CEP112: variants seen among roughly 807,000 people sequenced by gnomAD.
CEP112 encodes centrosomal protein of 112 kDa.
A neutral mutation model predicts 153.0 loss-of-function variants in CEP112; 127 were observed. The observed-to-expected ratio is 0.83, with a 90% CI of 0.72 to 0.96. The LOEUF (loss-of-function observed/expected upper bound fraction) is 0.96. CEP112 is among the 40% of genes least tolerant of loss of function. The pLI, the probability that CEP112 is intolerant of heterozygous loss-of-function variation, is 0.00. For missense variants in CEP112, 1,089 were observed against 1,101.2 expected (o/e 0.99, Z 0.16); for synonymous variants, 358 against 374.4 (o/e 0.96, Z 0.51).
intron 1 of CEP112, among the ~76,000 whole-genome samples, chr17:66,190,211 AG>A (rs1398475999): frequency 6.6e-6 from 1 of 151,972 alleles, no homozygotes; most frequent in African/African-American, 2.4e-5. Context: ...CAGGAAGCTG[AG>A]GCAGGAGAAT....
chr17:65,929,380 T>C (rs2061043396), intron 18 of CEP112, among the ~76,000 whole-genome samples: 1 of 152,210 alleles, frequency 6.6e-6, no homozygotes, highest in African/African-American at 2.4e-5. Flanking sequence ...AGGCCTATAA[T>C]GTGTCAGAAG....
chr17:65,963,256 A>G (rs2062280169), intron 17 of CEP112, among the ~76,000 whole-genome samples: 1 of 151,962 alleles, frequency 6.6e-6, no homozygotes, highest in Admixed American at 6.6e-5. Flanking sequence ...TATTAGCTGT[A>G]ACACTGAAGG....
intron 24 of CEP112, among the ~76,000 whole-genome samples, chr17:65,644,079 T>G (rs1285718708): frequency 2.0e-5 from 3 of 152,194 alleles, no homozygotes; most frequent in Non-Finnish European, 4.4e-5. Flanking sequence ...GGTGACTCCC[T>G]TGAGCCACAG....
intron 23 of CEP112, among the ~76,000 whole-genome samples, chr17:65,704,020 C>T (rs575216177): frequency 1.3e-5 from 2 of 152,076 alleles, no homozygotes; most frequent in South Asian, 2.1e-4. Context: ...AGGATCCTTG[C>T]AGACATAATC....
chr17:65,784,859 G>A (rs1014276245), intron 21 of CEP112, among the ~76,000 whole-genome samples: 2 of 152,054 alleles, frequency 1.3e-5, no homozygotes, highest in Non-Finnish European at 2.9e-5. Flanking sequence ...GCACCATTCA[G>A]TGGTTTTTAG....
chr17:66,013,199 C>CAGAAT (rs1326131841), intron 16 of CEP112, among the ~76,000 whole-genome samples: 2 of 152,100 alleles, frequency 1.3e-5, no homozygotes, highest in African/African-American at 2.4e-5. Flanking sequence ...CGTTCCTATT[C>CAGAAT]ATAGTCTAAA....
chr17:66,061,128 A>G (rs2066906550), intron 11 of CEP112, among the ~76,000 whole-genome samples: 1 of 152,188 alleles, frequency 6.6e-6, no homozygotes, highest in Admixed American at 6.5e-5. Context: ...AAGGACCTAA[A>G]TAGACATTTC....
At chr17:66,070,768 T>C (rs2067282577) in intron 8 of CEP112, among the ~76,000 whole-genome samples, 1 of 152,198 alleles carries the variant, frequency 6.6e-6, no homozygotes, top group Middle Eastern at 3.2e-3. Context: ...TTTGGTCACA[T>C]GATTCCTCAC....
intron 21 of CEP112, among the ~76,000 whole-genome samples, chr17:65,773,310 T>C (rs1028562423): frequency 5.9e-5 from 9 of 152,238 alleles, no homozygotes; most frequent in Non-Finnish European, 8.8e-5. Flanking sequence ...AAATATTTAC[T>C]GAGCTCCTTG....
At chr17:65,922,937 T>G (rs2144099514) in intron 19 of CEP112, among the ~76,000 whole-genome samples, 1 of 152,230 alleles carries the variant, frequency 6.6e-6, no homozygotes, top group Non-Finnish European at 1.5e-5. Context: ...CAGCCTCCAA[T>G]TCTTCATCTA....
At chr17:65,671,228 G>A (rs1401498606) in intron 24 of CEP112, among the ~76,000 whole-genome samples, 1 of 152,122 alleles carries the variant, frequency 6.6e-6, no homozygotes, top group Non-Finnish European at 1.5e-5. Context: ...ACCACAGGGT[G>A]ACATCACAGA....
At chr17:66,157,873 T>C (rs974672672) in intron 4 of CEP112, among the ~76,000 whole-genome samples, 1 of 152,070 alleles carries the variant, frequency 6.6e-6, no homozygotes, top group Non-Finnish European at 1.5e-5. Context: ...TACAGGAGCA[T>C]CCAGGTTCAT....
Position 66,175,124 on chromosome 17 carries a change from A to G in CEP112, c.390T>C (p.Ser130=). 1.9e-6 allele frequency: 3 copies of G among 1,613,600 alleles called. No individual in the cohort carries two copies. The highest frequency in any genetic ancestry group is 2.5e-6 in the Non-Finnish European group (3 of 1,179,746). ...PAWVLGELET[S]EHKLNESWKL... is the part of the protein sequence containing the mutation. ...TCCATGATTCATTTAATTTGTGTTC[A>G]CTTGTCTCCAGCTCACCCAGTACCC... The change falls in exon 4 of 27, where the codon AGT becomes AGC. Residue 130 remains serine (S), a synonymous_variant. Coordinates refer to ENST00000535342, the MANE Select transcript of CEP112 (RefSeq NM_001199165.4).
chr17:66,123,188 G>A (rs1312296543), intron 6 of CEP112, among the ~76,000 whole-genome samples: 1 of 152,172 alleles, frequency 6.6e-6, no homozygotes, highest in Non-Finnish European at 1.5e-5. Flanking sequence ...CTGTGTCTGG[G>A]GTAGAGCTTC....
chr17:65,722,155 C>T (rs80068818), intron 23 of CEP112, among the ~76,000 whole-genome samples: 1,964 of 152,250 alleles, frequency 0.013, 27 homozygotes, highest in East Asian at 0.041. Context: ...CTAAAAAGAA[C>T]CAGGCACTTA....
At chr17:66,038,402 T>C (rs1420118306) in intron 12 of CEP112, among the ~76,000 whole-genome samples, 2 of 136,190 alleles carry the variant, frequency 1.5e-5, no homozygotes, top group Admixed American at 6.9e-5. Flanking sequence ...CTACACACAA[T>C]TTTACACACA....
chr17:65,881,518 T>C (rs2059073693), intron 20 of CEP112, among the ~76,000 whole-genome samples: 1 of 152,178 alleles, frequency 6.6e-6, no homozygotes, highest in African/African-American at 2.4e-5. Flanking sequence ...TAAAAGTTAA[T>C]TTATTGCCTT....
At chr17:65,700,692 TG>T (rs1401333214) in intron 23 of CEP112, among the ~76,000 whole-genome samples, 1 of 152,122 alleles carries the variant, frequency 6.6e-6, no homozygotes, top group African/African-American at 2.4e-5. Flanking sequence ...CCTGTAGGAA[TG>T]GGAACCACAA....
At chr17:66,177,339 T>C (rs575657441) in intron 2 of CEP112, among the ~76,000 whole-genome samples, 1 of 152,346 alleles carries the variant, frequency 6.6e-6, no homozygotes, top group Non-Finnish European at 1.5e-5. Flanking sequence ...GTCTACAATT[T>C]CACTTTATTA....
Sources: allele counts gnomAD v4.1 joint callset (sites outside exome capture counted in the v4.1 genomes callset), GRCh38; gene constraint gnomAD v4.1.1; transcripts MANE v1.5; gene names NCBI Gene and HGNC (gene_info 2026-07-23, HGNC 2026-07-21).